Variants in ALG13 observed in about 807,000 individuals in gnomAD.
The protein encoded by ALG13 is ALG13 UDP-N-acetylglucosaminyltransferase subunit, also known as UDP-N-acetylglucosamine transferase subunit ALG13.
In ALG13, 11 loss-of-function variants were observed where a neutral mutation model predicts 87.8. That is an observed-to-expected ratio of 0.13 (90% CI 0.08 to 0.21). The LOEUF (loss-of-function observed/expected upper bound fraction) is 0.21, where lower values mean the gene tolerates loss of function less well. ALG13 is among the 10% of genes least tolerant of loss of function. The probability of loss-of-function intolerance (pLI) is 1.00; values close to 1 mark genes in which losing one functional copy is unlikely to be tolerated. For synonymous variants in ALG13, 320 were observed against 306.3 expected, an observed-to-expected ratio of 1.04 and a Z score of -0.47; for missense variants, 756 against 866.1, an observed-to-expected ratio of 0.87 and a Z score of 1.60.
intron 19 of ALG13, among the ~76,000 whole-genome samples, chrX:111,729,833 A>C (rs1942475979): frequency 8.9e-6 from 1 of 112,099 alleles, no homozygotes; most frequent in South Asian, 3.7e-4. Context: ...CAGATGAGGC[A>C]TACATGTTCC....
chrX:111,724,974 G>A lies in ALG13; in HGVS notation c.1642G>A (p.Val548Met), dbSNP rs1941813123. Residue 548 changes from valine (V) to methionine (M), a missense_variant, in exon 15 of 27, where the codon GTG becomes ATG. Transcript: ENST00000394780. ...GGCTAACTTAAAACCAGTTACCCAA[G>A]TGATGTCTGTTCCTGCCTGGAATGC... is the stretch of plus-strand genomic sequence containing the variant. ...PLANLKPVTQ[V>M]MSVPAWNAMP... 2.5e-6 allele frequency: 3 copies of A among 1,210,949 alleles called. No individual in the cohort carries two copies. The South Asian group carries it at 5.3e-5, about 21-fold the overall frequency.
chrX:111,736,842 G>A lies in ALG13; in HGVS notation c.2658G>A (p.Gln886=). ...TTSVSSQNAI[Q]PLFVSPPTHG... The stretch of plus-strand genomic sequence containing the variant: ...CAGTTTCCTCACAGAATGCTATACA[G>A]CCTCTCTTTGTATCTCCACCTACAC... The change falls in exon 23 of 27, where the codon CAG becomes CAA. Residue 886 remains glutamine, a synonymous_variant. Transcript: ENST00000394780. The A allele has an allele frequency of 8.3e-7, 1 of 1,209,538 alleles. No homozygotes were observed. The highest frequency in any genetic ancestry group is 1.8e-5 in the South Asian group (1 of 56,534).
chrX:111,690,835 T>G (rs772914874), intron 3 of ALG13, among the ~76,000 whole-genome samples: 1 of 111,296 alleles, frequency 9.0e-6, no homozygotes, highest in African/African-American at 3.3e-5. Context: ...AATATTTAGT[T>G]TGAGGAAGTT....
intron 5 of ALG13, chrX:111,711,192 A>G (rs1368919136): frequency 1.8e-5 from 2 of 113,007 alleles, no homozygotes; most frequent in African/African-American, 6.5e-5. Flanking sequence ...TGGAGATGAT[A>G]TGCAATCATG....
chrX:111,713,266 C>T lies in ALG13; in HGVS notation c.974C>T (p.Thr325Ile). Residue 325 changes from threonine (T) to isoleucine (I), a missense_variant, in exon 8 of 27, where the codon ACT (threonine) becomes ATT (isoleucine). Thr to Ile is a moderately conservative substitution (Grantham distance 89). Transcript: ENST00000394780. ...TATCGCTTTCCTGGAAAACCTCCAA[C>T]TTATGTCACAGATAATGGCTATGAA... is the stretch of plus-strand genomic sequence containing the variant. ...ILYRFPGKPP[T>I]YVTDNGYEDK... 1 of 1,196,470 alleles carries T rather than the reference C, an allele frequency of 8.4e-7. No individual in the cohort carries two copies. Among genetic ancestry groups the T allele is most frequent in the South Asian group, 1.8e-5 (1 of 55,328 alleles).
At chrX:111,705,845 G>T (rs1938644426) in intron 3 of ALG13, among the ~76,000 whole-genome samples, 1 of 108,829 alleles carries the variant, frequency 9.2e-6, no homozygotes, top group Admixed American at 9.8e-5. Context: ...GTCCCTACTT[G>T]TGTTTTTTTT....
intron 24 of ALG13, 24 bp from the exon 25 acceptor site, chrX:111,752,766 A>G (rs1191131133): frequency 5.4e-6 from 6 of 1,110,411 alleles, no homozygotes; most frequent in Non-Finnish European, 4.9e-6. Context: ...TCAAGTCACT[A>G]ATTTTTTTGA....
At chrX:111,686,064 T>C in intron 3 of ALG13, 2 of 653,701 alleles carry the variant, frequency 3.1e-6, no homozygotes, top group Non-Finnish European at 4.3e-6. Flanking sequence ...TTTCTACAAG[T>C]ATATTAGAAT....
intron 25 of ALG13, 186 bp downstream of exon 25, chrX:111,753,016 C>A (rs973809243): frequency 8.0e-6 from 3 of 374,714 alleles, no homozygotes; most frequent in African/African-American, 5.3e-5. Context: ...GCTTTAGTTT[C>A]TCTTATAAAA....
rs943420378 is a variant in ALG13, at chrX:111,731,573, G to A, written c.2457+993G>A. Among the ~76,000 whole-genome samples the A allele has an allele frequency of 6.3e-5, 7 of 111,661 alleles. No individual in the cohort carries two copies. In the East Asian group the frequency reaches 1.4e-3, roughly 23 times the overall value. ...GGAGAATAATCCTTCCTTGGCAACC[G>A]AGCAGCTTTCTAAGCTTGCTACTTA... is the stretch of plus-strand genomic sequence containing the variant. On this transcript the variant is annotated intron_variant, in intron 21 of 26. Transcript: ENST00000394780.
rs747668477 is a variant in ALG13, at chrX:111,712,401, C to A, written c.886-83C>A. On this transcript the variant is annotated intron_variant, in intron 6 of 26. Transcript: ENST00000394780. ...ATTCTTCATCTAAAACAGTGCTAAG[C>A]AGCTAAAAATTTGTTGTGCTTGAAA... The A allele has an allele frequency of 1.1e-5, 6 of 536,464 alleles. No individual in the cohort carries two copies. The East Asian group carries it at 1.8e-4, about 16-fold the overall frequency. The allele number at this position is 536,464 out of a possible 1,213,427, so 44.2% of individuals were successfully genotyped here. A position where few individuals can be genotyped will look rare whatever the true frequency, so the allele number is the denominator to read the frequency against.
chrX:111,700,276 TGTA>T (rs1230061542), intron 3 of ALG13, among the ~76,000 whole-genome samples: 1 of 111,050 alleles, frequency 9.0e-6, no homozygotes, highest in Non-Finnish European at 1.9e-5. Flanking sequence ...CATTTTTTGG[TGTA>T]GTTTTTAGGT....
At chrX:111,736,539 A>G (rs765730716) in intron 22 of ALG13, among the ~76,000 whole-genome samples, 175 bp from the exon 23 acceptor site, 1 of 111,770 alleles carries the variant, frequency 8.9e-6, no homozygotes, top group Non-Finnish European at 1.9e-5. Context: ...TAAAGCTCTC[A>G]AGTGACCTAA....
chrX:111,691,166 T>A (rs770982795), intron 3 of ALG13, among the ~76,000 whole-genome samples: 2 of 111,346 alleles, frequency 1.8e-5, no homozygotes, highest in Admixed American at 1.9e-4. Flanking sequence ...AATGGCGTGA[T>A]CTCGGCTCAG....
chrX:111,681,540 C>T (rs1041432883), intron 1 of ALG13: 4 of 981,098 alleles, frequency 4.1e-6, no homozygotes, highest in South Asian at 2.7e-5. Context: ...TCCTCTCCCT[C>T]ATTTCTTCAG....
At position 111,711,804 on chromosome X, in the gene ALG13, T is replaced by A. The variant is rs759846872; in HGVS notation, c.885+79T>A. ...TAAATTTATTCATTCAACTGTATTATTTTAGCCAGACCCCAAATATTTTAT... is the reference window on the plus strand; with the variant it reads ...TAAATTTATTCATTCAACTGTATTAATTTAGCCAGACCCCAAATATTTTAT... On this transcript the variant is annotated intron_variant, in intron 6 of 26. Coordinates refer to ENST00000394780, the MANE Select transcript of ALG13 (RefSeq NM_001099922.3). The A allele has an allele frequency of 1.0e-5, 10 of 967,057 alleles. No homozygotes were observed. In the East Asian group the frequency reaches 3.2e-4, roughly 31 times the overall value. 79.7% of individuals were successfully genotyped at this position (967,057 alleles called of 1,213,427 possible). A position where few individuals can be genotyped will look rare whatever the true frequency, so the allele number is the denominator to read the frequency against.
intron 12 of ALG13, 45 bp downstream of exon 12, chrX:111,721,756 G>A: frequency 1.0e-6 from 1 of 956,998 alleles, no homozygotes; most frequent in Non-Finnish European, 1.5e-6. Context: ...GACAAATCCA[G>A]GAGTATAATT....
intron 8 of ALG13, among the ~76,000 whole-genome samples, chrX:111,716,397 A>G (rs1003991372): frequency 8.9e-6 from 1 of 112,022 alleles, no homozygotes; most frequent in East Asian, 2.8e-4. Flanking sequence ...TCTTCTTTCT[A>G]TAAGAACTGC....
rs766946325 is a variant in ALG13, at chrX:111,728,261, A to G, written c.2324A>G (p.Lys775Arg). ...CVGRRGHSSG[K>R]QTLNLEEGNG... ...GGAAGGCGGGGACATAGCTCAGGCAAACAGACTTTGAATTTAGAGGAGGGC... is the reference window on the plus strand; with the variant it reads ...GGAAGGCGGGGACATAGCTCAGGCAGACAGACTTTGAATTTAGAGGAGGGC... Residue 775 changes from lysine to arginine, a missense_variant, in exon 19 of 27, where the codon AAA becomes AGA. Coordinates refer to ENST00000394780, the MANE Select transcript of ALG13 (RefSeq NM_001099922.3). The G allele has an allele frequency of 1.9e-5, 23 of 1,210,010 alleles. No individual in the cohort carries two copies. The highest frequency in any genetic ancestry group is 2.5e-5 in the Non-Finnish European group (22 of 895,145).
Sources: allele counts gnomAD v4.1 joint callset (sites outside exome capture counted in the v4.1 genomes callset), GRCh38; gene constraint gnomAD v4.1.1; transcripts MANE v1.5; gene names NCBI Gene and HGNC (gene_info 2026-07-23, HGNC 2026-07-21).